The following HMGCLL1 variants were observed in gnomAD, a reference collection of about 807,000 sequenced individuals.
HMGCLL1 encodes the protein 3-hydroxymethyl-3-methylglutaryl-CoA lyase, cytoplasmic.
In HMGCLL1, 36 loss-of-function variants were observed where a neutral mutation model predicts 39.1. The observed-to-expected ratio is 0.92, with a 90% CI of 0.71 to 1.22. HMGCLL1 has a LOEUF of 1.22. HMGCLL1 is among the 50% of genes most tolerant of loss of function. The pLI, the probability that HMGCLL1 is intolerant of heterozygous loss-of-function variation, is 0.00. For synonymous variants in HMGCLL1, 149 were observed against 144.0 expected, an observed-to-expected ratio of 1.03 and a Z score of -0.25; for missense variants, 451 against 416.5, an observed-to-expected ratio of 1.08 and a Z score of -0.72.
At chr6:55,446,277 A>C (rs1763831327) in intron 7 of HMGCLL1, among the ~76,000 whole-genome samples, 1 of 148,298 alleles carries the variant, frequency 6.7e-6, no homozygotes, top group South Asian at 2.1e-4. Flanking sequence ...TATTTATAAC[A>C]TATTTATTTA....
chr6:55,505,975 C>A (rs1767139417), intron 5 of HMGCLL1, among the ~76,000 whole-genome samples: 1 of 151,712 alleles, frequency 6.6e-6, no homozygotes, highest in Non-Finnish European at 1.5e-5. Context: ...AAATCCATTT[C>A]ACCAATGGAA....
chr6:55,661,150 G>C, the HMGCLL1 span, among the ~76,000 whole-genome samples: 2 of 151,512 alleles, frequency 1.3e-5, no homozygotes, highest in Non-Finnish European at 3.0e-5. Context: ...AAATATTTTT[G>C]CTCACTCTAT....
intron 7 of HMGCLL1, among the ~76,000 whole-genome samples, chr6:55,454,284 G>C (rs1488948613): frequency 6.6e-6 from 1 of 152,128 alleles, no homozygotes; most frequent in Non-Finnish European, 1.5e-5. Flanking sequence ...GGGATAATGA[G>C]TGATAGGAAT....
At chr6:55,499,346 C>A in intron 5 of HMGCLL1, 47 bp from the exon 6 acceptor site, 1 of 1,339,282 alleles carries the variant, frequency 7.5e-7, no homozygotes, top group Non-Finnish European at 1.0e-6. Context: ...GTAAATAAGC[C>A]ATTTCCATTT....
intron 7 of HMGCLL1, among the ~76,000 whole-genome samples, chr6:55,464,424 T>A (rs2127398656): frequency 6.6e-6 from 1 of 152,282 alleles, no homozygotes; most frequent in South Asian, 2.1e-4. Flanking sequence ...CTGCCAGGCT[T>A]CTGTGTACAT....
the HMGCLL1 span, among the ~76,000 whole-genome samples, chr6:55,606,532 G>T: frequency 2.0e-5 from 3 of 151,888 alleles, no homozygotes; most frequent in Admixed American, 2.0e-4. Context: ...TTTTTTATTT[G>T]CTCTTCTATA....
the HMGCLL1 span, among the ~76,000 whole-genome samples, chr6:55,614,016 G>A: frequency 2.0e-5 from 3 of 151,938 alleles, no homozygotes; most frequent in Admixed American, 1.3e-4. Flanking sequence ...ACAATAGCAA[G>A]TATTGAAAAA....
intron 7 of HMGCLL1, among the ~76,000 whole-genome samples, chr6:55,461,098 CTT>C (rs2127395847): frequency 6.6e-6 from 1 of 152,070 alleles, no homozygotes; most frequent in South Asian, 2.1e-4. Context: ...AAAAATCTAA[CTT>C]GTATCAAATA....
chr6:55,463,933 T>C (rs1764691482), intron 7 of HMGCLL1, among the ~76,000 whole-genome samples: 1 of 152,144 alleles, frequency 6.6e-6, no homozygotes, highest in Non-Finnish European at 1.5e-5. Flanking sequence ...AATGAGAATA[T>C]AAAACAGGTA....
At chr6:55,643,858 A>G in the HMGCLL1 span, among the ~76,000 whole-genome samples, 26 of 152,168 alleles carry the variant, frequency 1.7e-4, no homozygotes, top group African/African-American at 6.0e-4. Flanking sequence ...CAGTGCTACA[A>G]CAAACAGGAG....
the HMGCLL1 span, among the ~76,000 whole-genome samples, chr6:55,629,588 G>A: frequency 6.6e-6 from 1 of 152,148 alleles, no homozygotes; most frequent in Non-Finnish European, 1.5e-5. Flanking sequence ...AATATCTCCA[G>A]GGCATTTCAG....
At chr6:55,446,897 C>A (rs1450908602) in intron 7 of HMGCLL1, among the ~76,000 whole-genome samples, 7 of 151,976 alleles carry the variant, frequency 4.6e-5, no homozygotes, top group African/African-American at 1.4e-4. Context: ...TTGAAGTCAT[C>A]TACATTTTTT....
chr6:55,444,008 C>T (rs574659041), intron 7 of HMGCLL1, among the ~76,000 whole-genome samples: 31 of 152,152 alleles, frequency 2.0e-4, no homozygotes, highest in African/African-American at 6.5e-4. Flanking sequence ...AGGAGAGCTT[C>T]GAGGGTGCTG....
At chr6:55,551,886 G>C (rs190313796) in intron 1 of HMGCLL1, among the ~76,000 whole-genome samples, 49 of 151,962 alleles carry the variant, frequency 3.2e-4, no homozygotes, top group Admixed American at 3.2e-3. Context: ...AATTTGCTTG[G>C]GACAGACAAC....
chr6:55,649,672 A>C, the HMGCLL1 span, among the ~76,000 whole-genome samples: 1 of 151,828 alleles, frequency 6.6e-6, no homozygotes, highest in African/African-American at 2.4e-5. Context: ...TAAACTTTCT[A>C]CCCCTATCTC....
intron 3 of HMGCLL1, among the ~76,000 whole-genome samples, chr6:55,523,570 C>T (rs888943934): frequency 6.6e-6 from 1 of 151,832 alleles, no homozygotes; most frequent in Non-Finnish European, 1.5e-5. Flanking sequence ...CAGACTCTGC[C>T]AATTGGGAGA....
At chr6:55,553,948 C>G (rs1450293405) in intron 1 of HMGCLL1, among the ~76,000 whole-genome samples, 1 of 152,134 alleles carries the variant, frequency 6.6e-6, no homozygotes, top group Non-Finnish European at 1.5e-5. Context: ...ATTTTGGAAC[C>G]TGCCAACATT....
the HMGCLL1 span, among the ~76,000 whole-genome samples, chr6:55,658,488 G>C: frequency 6.6e-6 from 1 of 151,948 alleles, no homozygotes; most frequent in South Asian, 2.1e-4. Context: ...TGTCAACTTG[G>C]GCACAGAATT....
At chr6:55,518,111 A>G (rs1767839960) in intron 3 of HMGCLL1, among the ~76,000 whole-genome samples, 1 of 152,134 alleles carries the variant, frequency 6.6e-6, no homozygotes, top group Admixed American at 6.6e-5. Flanking sequence ...AGCCCCTACT[A>G]TGTCCAAAGC....
Sources: gnomAD v4.1 joint callset for allele counts (sites outside exome capture counted in the v4.1 genomes callset) on GRCh38, gnomAD v4.1.1 for gene constraint, MANE v1.5 for transcripts, NCBI Gene and HGNC (gene_info 2026-07-23, HGNC 2026-07-21) for gene names.